The following PIP4K2A variants were observed in gnomAD, a reference collection of about 807,000 sequenced individuals.
The protein encoded by PIP4K2A is phosphatidylinositol-5-phosphate 4-kinase type 2 alpha, also known as phosphatidylinositol 5-phosphate 4-kinase type-2 alpha.
A neutral mutation model predicts 42.9 loss-of-function variants in PIP4K2A; 14 were observed. That is an observed-to-expected ratio of 0.33 (90% CI 0.22 to 0.51). The LOEUF is 0.51. Ranked by LOEUF, PIP4K2A falls within the 20% of genes least tolerant of loss-of-function variation. The probability of loss-of-function intolerance (pLI) is 0.97; values close to 1 mark genes in which losing one functional copy is unlikely to be tolerated. For synonymous variants in PIP4K2A, 192 were observed against 192.2 expected (o/e 1.00, Z 0.01); for missense variants, 434 against 519.8 (o/e 0.83, Z 1.61).
intron 1 of PIP4K2A, among the ~76,000 whole-genome samples, chr10:22,621,580 A>G (rs577489449): frequency 6.6e-6 from 1 of 152,324 alleles, no homozygotes; most frequent in East Asian, 1.9e-4. Context: ...TCATACCTAA[A>G]TCTGGCTAGC....
intron 5 of PIP4K2A, among the ~76,000 whole-genome samples, chr10:22,568,159 G>T (rs1564424250): frequency 6.6e-6 from 1 of 152,214 alleles, no homozygotes. Context: ...TTGTCCACCT[G>T]CTGGAAGTTA....
chr10:22,563,392 C>T (rs761828138), intron 6 of PIP4K2A, among the ~76,000 whole-genome samples: 6 of 151,968 alleles, frequency 3.9e-5, no homozygotes, highest in Non-Finnish European at 5.9e-5. Flanking sequence ...AAAGTATGAG[C>T]GAAAATGCTC....
chr10:22,696,001 T>G (rs1458297154), intron 1 of PIP4K2A, among the ~76,000 whole-genome samples: 10 of 152,138 alleles, frequency 6.6e-5, no homozygotes, highest in Non-Finnish European at 1.2e-4. Flanking sequence ...GAAGACTGCA[T>G]GCGCAATATT....
At chr10:22,540,175 G>A in intron 8 of PIP4K2A, 101 bp from the exon 9 acceptor site, 1 of 749,216 alleles carries the variant, frequency 1.3e-6, no homozygotes, top group Non-Finnish European at 2.4e-6. Flanking sequence ...CTGGAGGGAG[G>A]GGATTCAATG....
chr10:22,576,649 C>T (rs1588637272), intron 4 of PIP4K2A, among the ~76,000 whole-genome samples: 2 of 152,106 alleles, frequency 1.3e-5, no homozygotes, highest in African/African-American at 2.4e-5. Context: ...TAGTACTTAA[C>T]GATTAAATGA....
intron 1 of PIP4K2A, among the ~76,000 whole-genome samples, chr10:22,642,852 T>C (rs1838809019): frequency 6.6e-6 from 1 of 152,142 alleles, no homozygotes; most frequent in African/African-American, 2.4e-5. Context: ...TCCTAGATAG[T>C]AATTCATGTA....
At chr10:22,635,464 G>A (rs1838641773) in intron 1 of PIP4K2A, among the ~76,000 whole-genome samples, 1 of 152,186 alleles carries the variant, frequency 6.6e-6, no homozygotes, top group Non-Finnish European at 1.5e-5. Flanking sequence ...CAGCACAAAA[G>A]GCTGTGATAG....
intron 7 of PIP4K2A, among the ~76,000 whole-genome samples, chr10:22,549,639 A>G (rs1836348531): frequency 6.6e-6 from 1 of 151,992 alleles, no homozygotes; most frequent in Non-Finnish European, 1.5e-5. Flanking sequence ...CAGGAGATCA[A>G]GATCATCCTG....
chr10:22,591,779 A>C lies in PIP4K2A; in HGVS notation c.342T>G (p.Asn114Lys), dbSNP rs758199964. 6.2e-7 allele frequency: 1 copy of C among 1,608,652 alleles called. No individual in the cohort carries two copies. Among genetic ancestry groups the C allele is most frequent in the Non-Finnish European group, 8.5e-7 (1 of 1,177,014 alleles). Residue 114 changes from asparagine to lysine, a missense_variant and splice_region_variant, in exon 4 of 10, where the codon AAT becomes AAG. Asn to Lys is a moderately conservative substitution (Grantham distance 94). Around this residue, in one of 2 missense-constraint regions of PIP4K2A, gnomAD observed 395 missense variants for 444.5 expected, o/e 0.89. Coordinates refer to ENST00000376573, the MANE Select transcript of PIP4K2A (RefSeq NM_005028.5). ...RFGIDDQDFQ[N>K]SLTRSAPLPN... ...GGAGGGGTGCGCTCCTGGTCAGGGAATTCTTCCCGGGTGGGGTAAGAGGGG... is the reference window on the plus strand; with the variant it reads ...GGAGGGGTGCGCTCCTGGTCAGGGACTTCTTCCCGGGTGGGGTAAGAGGGG...
chr10:22,632,949 T>C (rs571127049), intron 1 of PIP4K2A, among the ~76,000 whole-genome samples: 5 of 152,340 alleles, frequency 3.3e-5, no homozygotes, highest in African/African-American at 1.2e-4. Flanking sequence ...ACATTCATCA[T>C]TTCAAAAAAT....
chr10:22,661,336 A>G (rs1839200710), intron 1 of PIP4K2A, among the ~76,000 whole-genome samples: 1 of 142,338 alleles, frequency 7.0e-6, no homozygotes, highest in Non-Finnish European at 1.5e-5. Context: ...CCTATCTGTG[A>G]GGATGATGCT....
chr10:22,549,212 C>T (rs1488326486), intron 7 of PIP4K2A, among the ~76,000 whole-genome samples: 11 of 152,092 alleles, frequency 7.2e-5, no homozygotes, highest in African/African-American at 2.7e-4. Flanking sequence ...AAAATATTAA[C>T]TACTAATAAC....
rs765729066 is a variant in PIP4K2A at position 22,542,794 on chromosome 10, C to T, written c.793-747G>A. Among the ~76,000 whole-genome samples the T allele has an allele frequency of 2.0e-5, 3 of 152,224 alleles. 1 individual carries two copies. Among genetic ancestry groups the T allele is most frequent in the Admixed American group, 1.3e-4 (2 of 15,288 alleles). On this transcript the variant is annotated intron_variant, in intron 7 of 9. Transcript: ENST00000376573. ...TTCTTATTTGAGACCTTCAGCACAA[C>T]GTTCCAATGTTGCCATAAGATGTGG...
intron 3 of PIP4K2A, among the ~76,000 whole-genome samples, chr10:22,599,163 A>G (rs1191600504): frequency 6.6e-6 from 1 of 152,258 alleles, no homozygotes; most frequent in Admixed American, 6.5e-5. Context: ...TCCTTGAGAT[A>G]TGACTCACAT....
chr10:22,643,325 TG>T (rs1564453252), intron 1 of PIP4K2A, among the ~76,000 whole-genome samples: 2 of 152,178 alleles, frequency 1.3e-5, no homozygotes, highest in East Asian at 3.8e-4. Flanking sequence ...GTGTTATCTA[TG>T]GCTGTGTTCG....
chr10:22,684,438 C>A (rs1349200160), intron 1 of PIP4K2A, among the ~76,000 whole-genome samples: 1 of 152,152 alleles, frequency 6.6e-6, no homozygotes, highest in African/African-American at 2.4e-5. Context: ...AGCTAACACA[C>A]AATGTGTTTT....
chr10:22,538,343 T>C (rs1835991145), intron 9 of PIP4K2A, among the ~76,000 whole-genome samples: 2 of 151,622 alleles, frequency 1.3e-5, no homozygotes, highest in South Asian at 2.1e-4. Context: ...CATGGAGCCA[T>C]ATTGGCTAGG....
Position 22,541,832 on chromosome 10 carries a change from G to A in PIP4K2A, c.1008C>T (p.Ile336=), listed in dbSNP as rs753187865. Residue 336 remains isoleucine (I), a synonymous_variant, in exon 8 of 10, where the codon ATC becomes ATT. Coordinates refer to ENST00000376573, the MANE Select transcript of PIP4K2A (RefSeq NM_005028.5). The part of the protein sequence containing the change: ...PLAPGEFDPN[I]DVYGIKCHEN... The stretch of plus-strand genomic sequence containing the variant: ...CATGGCACTTAATTCCATAGACGTC[G>A]ATGTTCGGATCGAACTCCCCGGGAG... 41 of 1,572,642 alleles carry A rather than the reference G, an allele frequency of 2.6e-5. No individual in the cohort carries two copies. In the Admixed American group the frequency reaches 6.4e-4, roughly 25 times the overall value.
At chr10:22,661,349 CTTTTTTTTTTTT>C (rs374324575) in intron 1 of PIP4K2A, among the ~76,000 whole-genome samples, 1 of 99,822 alleles carries the variant, frequency 1.0e-5, no homozygotes, top group Admixed American at 1.0e-4. Context: ...ATGATGCTGC[CTTTTTTTTTTTT>C]TTTTTTTTTT....
Sources: gnomAD v4.1 joint callset for allele counts (sites outside exome capture counted in the v4.1 genomes callset) on GRCh38, gnomAD v4.1.1 for gene constraint, gnomAD v4.1.1 regional missense constraint, MANE v1.5 for transcripts, NCBI Gene and HGNC (gene_info 2026-07-23, HGNC 2026-07-21) for gene names.